IMMP2L: variants seen among roughly 807,000 people sequenced by gnomAD.
The protein encoded by IMMP2L is mitochondrial inner membrane protease subunit 2.
A neutral mutation model predicts 19.3 loss-of-function variants in IMMP2L; 18 were observed. The observed-to-expected ratio is 0.93, with a 90% CI of 0.64 to 1.38. The LOEUF (loss-of-function observed/expected upper bound fraction) is 1.38. Ranked by LOEUF, IMMP2L falls within the 40% of genes most tolerant of loss-of-function variation. The pLI, the probability that IMMP2L is intolerant of heterozygous loss-of-function variation, is 0.00. For missense variants in IMMP2L, 233 were observed against 218.2 expected (o/e 1.07, Z -0.43); for synonymous variants, 76 against 73.0 (o/e 1.04, Z -0.21).
At chr7:111,071,796 C>T (rs1188851470) in intron 3 of IMMP2L, among the ~76,000 whole-genome samples, 1 of 151,940 alleles carries the variant, frequency 6.6e-6, no homozygotes, top group Non-Finnish European at 1.5e-5. Context: ...CACTTTGTAA[C>T]TTGATATAGG....
intron 3 of IMMP2L, among the ~76,000 whole-genome samples, chr7:111,412,263 G>A (rs1834502199): frequency 6.6e-6 from 1 of 151,684 alleles, no homozygotes; most frequent in African/African-American, 2.4e-5. Flanking sequence ...AAAGAGACCA[G>A]AAACAGTAAG....
At chr7:111,169,243 G>A (rs1187880863) in intron 3 of IMMP2L, among the ~76,000 whole-genome samples, 1 of 151,846 alleles carries the variant, frequency 6.6e-6, no homozygotes, top group Non-Finnish European at 1.5e-5. Context: ...CTGCAGTGCA[G>A]TCATTAGTTA....
At chr7:110,888,843 A>T (rs1296353700) in intron 4 of IMMP2L, among the ~76,000 whole-genome samples, 1 of 151,960 alleles carries the variant, frequency 6.6e-6, no homozygotes, top group Non-Finnish European at 1.5e-5. Flanking sequence ...CAGTCTTTGG[A>T]ACTTTGCCTT....
chr7:110,999,038 G>A (rs1823345414), intron 3 of IMMP2L, among the ~76,000 whole-genome samples: 1 of 152,042 alleles, frequency 6.6e-6, no homozygotes, highest in Non-Finnish European at 1.5e-5. Flanking sequence ...ATTTTAAGTT[G>A]GAAAATAGAT....
intron 1 of IMMP2L, among the ~76,000 whole-genome samples, chr7:111,531,458 C>G (rs992144233): frequency 2.0e-5 from 3 of 152,056 alleles, no homozygotes; most frequent in South Asian, 2.1e-4. Context: ...CACCATTTAA[C>G]AGCATTTACA....
At chr7:111,475,623 A>T (rs1389319444) in intron 3 of IMMP2L, among the ~76,000 whole-genome samples, 1 of 152,114 alleles carries the variant, frequency 6.6e-6, no homozygotes, top group African/African-American at 2.4e-5. Context: ...AGAGATATGG[A>T]GATAACCAGA....
intron 3 of IMMP2L, among the ~76,000 whole-genome samples, chr7:111,094,041 T>C (rs541434624): frequency 8.5e-5 from 13 of 152,288 alleles, no homozygotes; most frequent in Admixed American, 5.9e-4. Flanking sequence ...GATCAACTTA[T>C]GATGCACTAA....
At chr7:111,284,706 G>C (rs1191913339) in intron 3 of IMMP2L, among the ~76,000 whole-genome samples, 1 of 152,128 alleles carries the variant, frequency 6.6e-6, no homozygotes, top group East Asian at 1.9e-4. Context: ...ACTGGATGAA[G>C]TGTTGCCATA....
chr7:110,739,659 C>T (rs998754426), intron 5 of IMMP2L, among the ~76,000 whole-genome samples: 2 of 152,102 alleles, frequency 1.3e-5, no homozygotes, highest in East Asian at 3.9e-4. Flanking sequence ...GTCATCAAGA[C>T]AGAAAGTCAA....
At chr7:110,887,129 T>C (rs561508795) in intron 4 of IMMP2L, among the ~76,000 whole-genome samples, 3 of 152,204 alleles carry the variant, frequency 2.0e-5, no homozygotes, top group Non-Finnish European at 2.9e-5. Context: ...CTCAAACCAA[T>C]AGACAACACT....
At chr7:110,955,585 G>A (rs1818279559) in intron 4 of IMMP2L, among the ~76,000 whole-genome samples, 1 of 151,778 alleles carries the variant, frequency 6.6e-6, no homozygotes, top group African/African-American at 2.4e-5. Context: ...ATTAAACCAG[G>A]CTAAAGGGCT....
intron 3 of IMMP2L, among the ~76,000 whole-genome samples, chr7:111,380,468 G>A (rs887717421): frequency 1.3e-4 from 19 of 151,934 alleles, no homozygotes; most frequent in Admixed American, 9.2e-4. Flanking sequence ...ACTAGTGCTA[G>A]GGTTCAGATT....
chr7:111,398,865 C>G (rs1421021263), intron 3 of IMMP2L, among the ~76,000 whole-genome samples: 1 of 150,822 alleles, frequency 6.6e-6, no homozygotes, highest in Non-Finnish European at 1.5e-5. Flanking sequence ...AGAACTCAAC[C>G]CCTTTTACAA....
chr7:111,170,796 G>A (rs1349640133), intron 3 of IMMP2L, among the ~76,000 whole-genome samples: 3 of 151,616 alleles, frequency 2.0e-5, no homozygotes, highest in Non-Finnish European at 4.4e-5. Context: ...CGGCAGTTTT[G>A]TTATAAGAAT....
chr7:111,447,193 G>T (rs1205431616), intron 3 of IMMP2L, among the ~76,000 whole-genome samples: 3 of 146,884 alleles, frequency 2.0e-5, no homozygotes, highest in African/African-American at 5.2e-5. Flanking sequence ...TTCAGATTCA[G>T]GAAATACAGA....
chr7:110,915,361 A>G (rs1043800551), intron 4 of IMMP2L, among the ~76,000 whole-genome samples: 1 of 152,018 alleles, frequency 6.6e-6, no homozygotes, highest in Non-Finnish European at 1.5e-5. Context: ...TAAGCCTGAC[A>G]CAGAAAGACA....
At chr7:110,731,379 C>G (rs1267493936) in intron 5 of IMMP2L, among the ~76,000 whole-genome samples, 1 of 152,104 alleles carries the variant, frequency 6.6e-6, no homozygotes, top group Non-Finnish European at 1.5e-5. Flanking sequence ...TGAATGAATA[C>G]AGATGCTCTG....
intron 3 of IMMP2L, among the ~76,000 whole-genome samples, chr7:111,476,532 T>C (rs952895170): frequency 6.6e-6 from 1 of 152,132 alleles, no homozygotes; most frequent in Non-Finnish European, 1.5e-5. Context: ...AGAAGCCTAG[T>C]AGGTTTGGCT....
intron 5 of IMMP2L, among the ~76,000 whole-genome samples, chr7:110,844,795 A>G (rs1392462448): frequency 6.6e-6 from 1 of 151,904 alleles, no homozygotes; most frequent in Non-Finnish European, 1.5e-5. Context: ...CCAACTCCAC[A>G]TTTCCATCTC....
Sources: gnomAD v4.1 joint callset for allele counts (sites outside exome capture counted in the v4.1 genomes callset) on GRCh38, gnomAD v4.1.1 for gene constraint, MANE v1.5 for transcripts, NCBI Gene and HGNC (gene_info 2026-07-23, HGNC 2026-07-21) for gene names.